Variants in GJC1 observed in about 807,000 individuals in gnomAD.
The protein encoded by GJC1 is gap junction protein gamma 1, also known as gap junction gamma-1 protein.
Under a neutral mutation model 29.3 loss-of-function variants are expected in GJC1, and 5 were observed. The observed-to-expected ratio is 0.17, with a 90% confidence interval of 0.09 to 0.36. GJC1 has a LOEUF of 0.36. Ranked by LOEUF, GJC1 falls within the 10% of genes least tolerant of loss-of-function variation. The probability of loss-of-function intolerance (pLI) is 1.00; values close to 1 mark genes in which losing one functional copy is unlikely to be tolerated. For missense variants in GJC1, 310 were observed against 496.2 expected (o/e 0.62, Z 3.56); for synonymous variants, 177 against 183.3 (o/e 0.97, Z 0.28).
At position 44,804,727 on chromosome 17, in the gene GJC1, C is replaced by T; in HGVS notation, c.1091G>A (p.Gly364Asp). The T allele has an allele frequency of 6.2e-7, 1 of 1,614,130 alleles. No homozygotes were observed. Among genetic ancestry groups the T allele is most frequent in the Non-Finnish European group, 8.5e-7 (1 of 1,180,028 alleles). The change falls in exon 3 of 3, where the codon GGT becomes GAT. Residue 364 changes from glycine to aspartate, a missense_variant. This residue lies in a region of GJC1 where 146 missense variants were observed against 165.0 expected (regional missense o/e 0.88). Transcript: ENST00000592524. ...CACTTTGGCCTTCTTCTCCCGGGGA[C>T]CATGAGGGTTGTTTTGGTGACTGTA... ...QAYSHQNNPH[G>D]PREKKAKVGS... is the part of the protein sequence containing the mutation.
intron 1 of GJC1, among the ~76,000 whole-genome samples, chr17:44,808,526 G>A (rs1219956135): frequency 6.6e-6 from 1 of 152,018 alleles, no homozygotes; most frequent in Non-Finnish European, 1.5e-5. Flanking sequence ...CAAGGTGGGG[G>A]GATCACATGA....
Position 44,803,624 on chromosome 17 carries a change from T to C in GJC1, c.*1003A>G, listed in dbSNP as rs2145296337. 1 of 152,366 alleles carries C rather than the reference T, an allele frequency of 6.6e-6. No homozygotes were observed. Among genetic ancestry groups the C allele is most frequent in the South Asian group, 2.1e-4 (1 of 4,830 alleles). The allele number at this position is 152,366 out of a possible 1,614,324, so 9.4% of individuals were successfully genotyped here. On this transcript the variant is annotated 3_prime_UTR_variant, in exon 3 of 3. Transcript: ENST00000592524. ...AGTATTCTTGGTTGACAAGGGAATG[T>C]TTGCATTTCTAATGTTAACAAAGAA... is the stretch of plus-strand genomic sequence containing the variant.
intron 1 of GJC1, among the ~76,000 whole-genome samples, chr17:44,818,366 C>T (rs745867330): frequency 1.3e-5 from 2 of 151,944 alleles, no homozygotes; most frequent in South Asian, 2.1e-4. Flanking sequence ...AAGGAATAAA[C>T]GGTATCTTTG....
At chr17:44,828,092 G>A (rs184186128) in intron 1 of GJC1, among the ~76,000 whole-genome samples, 1 of 152,272 alleles carries the variant, frequency 6.6e-6, no homozygotes, top group East Asian at 1.9e-4. Context: ...GACCTGGGGG[G>A]AAGTGGACTA....
At chr17:44,814,699 T>C (rs1248292366) in intron 1 of GJC1, among the ~76,000 whole-genome samples, 3 of 151,984 alleles carry the variant, frequency 2.0e-5, no homozygotes, top group African/African-American at 4.8e-5. Context: ...TCCTAGCACT[T>C]TGGGAGGCCA....
intron 1 of GJC1, among the ~76,000 whole-genome samples, chr17:44,825,444 C>T (rs1033958168): frequency 1.4e-4 from 22 of 151,864 alleles, no homozygotes; most frequent in African/African-American, 4.1e-4. Flanking sequence ...CGAGATTGCG[C>T]GACTGCACTC....
chr17:44,825,657 C>T (rs2145371164), intron 1 of GJC1, among the ~76,000 whole-genome samples: 1 of 152,140 alleles, frequency 6.6e-6, no homozygotes, highest in South Asian at 2.1e-4. Flanking sequence ...CACCTATAAT[C>T]CCAGCTTCTC....
chr17:44,805,885 CTTAAT>C lies in GJC1; in HGVS notation c.-20-53_-20-49del. 4.8e-6 allele frequency: 4 copies of C among 838,076 alleles called. No individual in the cohort carries two copies. Among genetic ancestry groups the C allele is most frequent in the Non-Finnish European group, 7.4e-6 (4 of 538,676 alleles). The allele number at this position is 838,076 out of a possible 1,614,324, so 51.9% of individuals were successfully genotyped here. The stretch of plus-strand genomic sequence containing the variant: ...AAAATAAAATCAACAAATATTAAAT[CTTAAT>C]TTAATTACTAATTATGATATCTCTA... On this transcript the variant is annotated intron_variant, in intron 2 of 2. Coordinates refer to ENST00000592524, the MANE Select transcript of GJC1 (RefSeq NM_005497.4). This position sits in a 1 kb window ranked among gnomAD's most constrained non-coding sequence, Gnocchi z 5.1.
chr17:44,810,758 C>T lies in GJC1; in HGVS notation c.-96-3289G>A, dbSNP rs139676107. On this transcript the variant is annotated intron_variant, in intron 1 of 2. Coordinates refer to ENST00000592524, the MANE Select transcript of GJC1 (RefSeq NM_005497.4). ...ATCTGGATACCTGATCCTCTCTATA[C>T]TGGATGGACATCAATTAATTCATTT... Among the ~76,000 whole-genome samples, 8 of 152,202 alleles carry T rather than the reference C, an allele frequency of 5.3e-5. No homozygotes were observed. The East Asian group carries it at 7.7e-4, about 15-fold the overall frequency.
chr17:44,822,643 C>CTAA (rs778995480), intron 1 of GJC1, among the ~76,000 whole-genome samples: 2 of 80,268 alleles, frequency 2.5e-5, no homozygotes, highest in African/African-American at 1.0e-4. Flanking sequence ...AACTCCATCT[C>CTAA]AAAAAAAAAA....
In GJC1 at chr17:44,804,206, C is replaced by A; in HGVS notation, c.*421G>T. On this transcript the variant is annotated 3_prime_UTR_variant, in exon 3 of 3. Coordinates refer to ENST00000592524, the MANE Select transcript of GJC1 (RefSeq NM_005497.4). Reference sequence around the variant, plus strand: ...TTGCTGAACAAAGTAATAGCACTAGCCTAATAGGCATTATTTATAAGGACT... The same window carrying A: ...TTGCTGAACAAAGTAATAGCACTAGACTAATAGGCATTATTTATAAGGACT... The A allele has an allele frequency of 6.2e-6, 1 of 160,108 alleles. No individual in the cohort carries two copies. Among genetic ancestry groups the A allele is most frequent in the Admixed American group, 6.1e-5 (1 of 16,378 alleles). 9.9% of individuals were successfully genotyped at this position (160,108 alleles called of 1,614,324 possible).
At chr17:44,808,428 T>TACACACACACACACACACAC (rs56999580) in intron 1 of GJC1, among the ~76,000 whole-genome samples, 134 of 147,540 alleles carry the variant, frequency 9.1e-4, no homozygotes, top group African/African-American at 3.3e-3. Context: ...CCCTGTCTCT[T>TACACACACACACACACACAC]ACACACACAC....
chr17:44,809,916 TG>T (rs1255103548), intron 1 of GJC1, among the ~76,000 whole-genome samples: 6 of 146,416 alleles, frequency 4.1e-5, no homozygotes. Flanking sequence ...TGGAGTGCAG[TG>T]GCATGATCTC....
At chr17:44,828,403 T>C (rs1395904204) in intron 1 of GJC1, among the ~76,000 whole-genome samples, 2 of 152,186 alleles carry the variant, frequency 1.3e-5, no homozygotes. Context: ...GTGCTGGCTT[T>C]TGAAGAGGTT....
chr17:44,827,804 G>A (rs889495411), intron 1 of GJC1, among the ~76,000 whole-genome samples: 2 of 152,030 alleles, frequency 1.3e-5, no homozygotes, highest in Admixed American at 6.6e-5. Context: ...GCGTGGTGGC[G>A]GGTACCTGTA....
In GJC1 at chr17:44,805,338, AGGTTTG is replaced by A; in HGVS notation, c.474_479del (p.Pro160_Lys161del). 1 of 1,614,132 alleles carries A rather than the reference AGGTTTG, an allele frequency of 6.2e-7. No individual in the cohort carries two copies. The highest frequency in any genetic ancestry group is 8.5e-7 in the Non-Finnish European group (1 of 1,180,010). The stretch of plus-strand genomic sequence containing the variant: ...GAATCCGTCGTCGGCCATCATGCTT[AGGTTTG>A]GGTTGGCTCTGCTCTTTATTTTCCT... On this transcript the variant is annotated inframe_deletion, in exon 3 of 3. Transcript: ENST00000592524. The surrounding 1 kb of genome is among the most constrained non-coding windows in gnomAD (Gnocchi z 5.1).
downstream of GJC1, among the ~76,000 whole-genome samples, chr17:44,795,595 A>G (rs1322763479): frequency 1.3e-5 from 2 of 152,180 alleles, no homozygotes; most frequent in Non-Finnish European, 2.9e-5. Context: ...AGGGTGTGCA[A>G]TGGGAGAGTG....
Position 44,811,205 on chromosome 17 carries a change from C to CT in GJC1, c.-96-3737_-96-3736insA, listed in dbSNP as rs200093826. On this transcript the variant is annotated intron_variant, in intron 1 of 2. Transcript: ENST00000592524. The stretch of plus-strand genomic sequence containing the variant: ...CAAGCGATTCTCCTGCCTCAGCCCC[C>CT]CAAGTAGCTGGGATTACAGACATGT... Among the ~76,000 whole-genome samples, 1,328 of 152,230 alleles carry CT rather than the reference C, an allele frequency of 8.7e-3. 23 individuals carry two copies. Among genetic ancestry groups the CT allele is most frequent in the African/African-American group, 0.03 (1,259 of 41,546 alleles).
upstream of GJC1, chr17:44,830,602 GCGGGC>G (rs1472327705): frequency 2.5e-6 from 1 of 398,554 alleles, no homozygotes; most frequent in Non-Finnish European, 4.4e-6. This position sits in a 1 kb window ranked among gnomAD's most constrained non-coding sequence, Gnocchi z 4.3. Flanking sequence ...CTCAGTTTGA[GCGGGC>G]CGCTAACGGC....
Sources: allele counts gnomAD v4.1 joint callset (sites outside exome capture counted in the v4.1 genomes callset), GRCh38; gene constraint gnomAD v4.1.1; regional missense constraint gnomAD v4.1.1; non-coding constraint Gnocchi (gnomAD v3.1); transcripts MANE v1.5; gene names NCBI Gene and HGNC (gene_info 2026-07-23, HGNC 2026-07-21).